GRIN3A: variants seen among roughly 807,000 people sequenced by gnomAD.
The protein encoded by GRIN3A is glutamate receptor ionotropic, NMDA 3A.
In GRIN3A, 47 loss-of-function variants were observed where a neutral mutation model predicts 92.4. That is an observed-to-expected ratio of 0.51 (90% CI 0.40 to 0.65). GRIN3A has a LOEUF of 0.65. Ranked by LOEUF, GRIN3A falls within the 30% of genes least tolerant of loss-of-function variation. The probability of loss-of-function intolerance (pLI) is 0.00; values close to 1 mark genes in which losing one functional copy is unlikely to be tolerated. For missense variants in GRIN3A, 1,324 were observed against 1,393.1 expected (o/e 0.95, Z 0.79); for synonymous variants, 527 against 540.6 (o/e 0.97, Z 0.35).
At position 101,738,345 on chromosome 9, in the gene GRIN3A, C is replaced by T. The variant is rs62577464; in HGVS notation, c.-366G>A. The T allele has an allele frequency of 0.11, 32,303 of 301,990 alleles. 3,429 individuals carry two copies. The highest frequency in any genetic ancestry group is 0.32 in the African/African-American group (13,839 of 43,908). The allele number at this position is 301,990 out of a possible 1,614,324, so 18.7% of individuals were successfully genotyped here. A position where few individuals can be genotyped will look rare whatever the true frequency, so the allele number is the denominator to read the frequency against. Reference sequence around the variant, plus strand: ...CCCGCGAGGCGGCCGGGATGAGAAGCAGCCGGAGTTCCTCGGGGGCAGCAG... The same window carrying T: ...CCCGCGAGGCGGCCGGGATGAGAAGTAGCCGGAGTTCCTCGGGGGCAGCAG... On this transcript the variant is annotated 5_prime_UTR_variant, in exon 1 of 9. Transcript: ENST00000361820.
rs1332998581 is a variant in GRIN3A, at chr9:101,737,935, C to T, written c.45G>A (p.Leu15=). The T allele has an allele frequency of 6.5e-7, 1 of 1,537,886 alleles. No individual in the cohort carries two copies. Among genetic ancestry groups the T allele is most frequent in the Admixed American group, 1.9e-5 (1 of 51,682 alleles). ...SLWWLLSRVC[L]LLPPPCALVL... is the part of the protein sequence containing the mutation. ...CCAGTGCGCAGGGCGGCGGCAACAG[C>T]AGACAGACCCTGCTCAGCAGCCACC... is the stretch of plus-strand genomic sequence containing the variant. Residue 15 remains leucine (L), a synonymous_variant, in exon 1 of 9, where the codon CTG becomes CTA. Coordinates refer to ENST00000361820, the MANE Select transcript of GRIN3A (RefSeq NM_133445.3).
rs556109297 is a variant in GRIN3A, at chr9:101,674,693, A to G, written c.1305-3586T>C. Among the ~76,000 whole-genome samples, 47 of 152,218 alleles carry G rather than the reference A, an allele frequency of 3.1e-4. No individual in the cohort carries two copies. The South Asian group carries it at 6.2e-3, about 20-fold the overall frequency. ...AGAGCCTGGATCAAAGGGAACAGTA[A>G]TACTACCATTCTCTGTGCTGATCAG... is the stretch of plus-strand genomic sequence containing the variant. On this transcript the variant is annotated intron_variant, in intron 2 of 8. Coordinates refer to ENST00000361820, the MANE Select transcript of GRIN3A (RefSeq NM_133445.3).
chr9:101,643,943 G>A (rs1828899660), intron 3 of GRIN3A, among the ~76,000 whole-genome samples: 1 of 151,430 alleles, frequency 6.6e-6, no homozygotes, highest in South Asian at 2.1e-4. Flanking sequence ...ATAAGTTCTG[G>A]GAATTTAATG....
intron 3 of GRIN3A, among the ~76,000 whole-genome samples, chr9:101,643,346 T>A (rs898103506): frequency 6.6e-6 from 1 of 152,084 alleles, no homozygotes; most frequent in Non-Finnish European, 1.5e-5. Flanking sequence ...AAAACCACAA[T>A]GAGTTATCAC....
In GRIN3A at chr9:101,628,388, G is replaced by T. The variant is rs974456917; in HGVS notation, c.2366C>A (p.Ser789Tyr). 3.6e-5 allele frequency: 58 copies of T among 1,613,656 alleles called. No individual in the cohort carries two copies. The highest frequency in any genetic ancestry group is 4.8e-5 in the Non-Finnish European group (57 of 1,179,776). ...GIHDPKLHHPSQGFRFGTVRE... is the reference protein window; with the variant it reads ...GIHDPKLHHPYQGFRFGTVRE... ...GACAGTTCCAAAGCGGAATCCTTGG[G>T]AAGGATGATGTAACTATGAGGGAGA... The change falls in exon 4 of 9, where the codon TCC becomes TAC. Residue 789 changes from serine to tyrosine, a missense_variant. Transcript: ENST00000361820.
At chr9:101,694,943 C>CT (rs577717043) in intron 1 of GRIN3A, among the ~76,000 whole-genome samples, 299 of 152,258 alleles carry the variant, frequency 2.0e-3, no homozygotes, top group African/African-American at 6.5e-3. Flanking sequence ...TCAGGAGCGT[C>CT]TAGAAAGAGG....
At chr9:101,600,282 T>C (rs1281434122) in intron 6 of GRIN3A, among the ~76,000 whole-genome samples, 1 of 152,194 alleles carries the variant, frequency 6.6e-6, no homozygotes, top group Non-Finnish European at 1.5e-5. Context: ...AAGTAGACTG[T>C]ATGCATACAT....
Position 101,670,776 on chromosome 9 carries a change from G to A in GRIN3A, c.1636C>T (p.Pro546Ser), listed in dbSNP as rs780421335. 6.2e-7 allele frequency: 1 copy of A among 1,613,856 alleles called. No homozygotes were observed. The highest frequency in any genetic ancestry group is 1.3e-5 in the African/African-American group (1 of 74,904). ...LCPAGQLCLD[P>S]MTNDSSTLDS... ...AATGTGGAAGAGTCATTAGTCATGG[G>A]GTCTAGACAGAGTTGGCCAGCAGGG... The change falls in exon 3 of 9, where the codon CCC (proline) becomes TCC (serine). Residue 546 changes from proline to serine, a missense_variant. Physicochemically the swap from Pro to Ser is moderately conservative, Grantham distance 74. Coordinates refer to ENST00000361820, the MANE Select transcript of GRIN3A (RefSeq NM_133445.3).
intron 6 of GRIN3A, among the ~76,000 whole-genome samples, chr9:101,580,098 C>A (rs1218169671): frequency 6.6e-6 from 1 of 152,210 alleles, no homozygotes; most frequent in Non-Finnish European, 1.5e-5. Context: ...GTGCATGTAT[C>A]TCTTTTCATA....
intron 3 of GRIN3A, among the ~76,000 whole-genome samples, chr9:101,652,761 CT>C (rs139269497): frequency 6.6e-6 from 1 of 152,146 alleles, no homozygotes; most frequent in East Asian, 1.9e-4. Flanking sequence ...ATGAGGCTTG[CT>C]TTTCTATCAG....
Position 101,670,845 on chromosome 9 carries a change from G to A in GRIN3A, c.1567C>T (p.His523Tyr). The A allele has an allele frequency of 6.2e-7, 1 of 1,613,928 alleles. No individual in the cohort carries two copies. The highest frequency in any genetic ancestry group is 8.5e-7 in the Non-Finnish European group (1 of 1,179,896). Residue 523 changes from histidine (H) to tyrosine (Y), a missense_variant, in exon 3 of 9, where the codon CAT (histidine) becomes TAT (tyrosine). Physicochemically the swap from His to Tyr is moderately conservative, Grantham distance 83. Coordinates refer to ENST00000361820, the MANE Select transcript of GRIN3A (RefSeq NM_133445.3). ...ACCTCCCTTGTGAAGACAAAAGGAT[G>A]CTCAATCAGGGTAACCACTCTCAAG... Reference protein sequence around the residue: ...LHLRVVTLIEHPFVFTREVDD... With the variant: ...LHLRVVTLIEYPFVFTREVDD...
chr9:101,716,560 C>T (rs1772014110), intron 1 of GRIN3A, among the ~76,000 whole-genome samples: 1 of 152,060 alleles, frequency 6.6e-6, no homozygotes, highest in Non-Finnish European at 1.5e-5. Context: ...TTTCTTGTCT[C>T]TTGCTTTCAC....
intron 1 of GRIN3A, among the ~76,000 whole-genome samples, chr9:101,723,914 G>C (rs1830047306): frequency 6.6e-6 from 1 of 152,158 alleles, no homozygotes; most frequent in Non-Finnish European, 1.5e-5. Context: ...CACCAGAGTA[G>C]CTAGATACAG....
chr9:101,693,864 A>G (rs959741585), intron 1 of GRIN3A, among the ~76,000 whole-genome samples: 2 of 152,222 alleles, frequency 1.3e-5, no homozygotes, highest in Non-Finnish European at 2.9e-5. Flanking sequence ...CAAGTTTGGA[A>G]AAGCTCACCT....
chr9:101,651,100 T>G (rs192830410), intron 3 of GRIN3A, among the ~76,000 whole-genome samples: 50 of 152,116 alleles, frequency 3.3e-4, no homozygotes, highest in Non-Finnish European at 8.8e-5. Flanking sequence ...TATTTGGAAT[T>G]ATATTAATTG....
intron 3 of GRIN3A, among the ~76,000 whole-genome samples, chr9:101,647,926 A>T (rs1828960847): frequency 6.6e-6 from 1 of 151,876 alleles, no homozygotes; most frequent in Non-Finnish European, 1.5e-5. Context: ...CCTTTTCAAA[A>T]ATCCAACTAC....
chr9:101,573,061 A>G lies in GRIN3A; in HGVS notation c.*113T>C, dbSNP rs1827780906. On this transcript the variant is annotated 3_prime_UTR_variant, in exon 9 of 9. Transcript: ENST00000361820. Reference sequence around the variant, plus strand: ...GAGAGCAGACTTGACCTTTAAGAAGACCTAGACCTCAGCTTCCCCACACCT... The same window carrying G: ...GAGAGCAGACTTGACCTTTAAGAAGGCCTAGACCTCAGCTTCCCCACACCT... 2.2e-6 allele frequency: 2 copies of G among 919,976 alleles called. No individual in the cohort carries two copies. The highest frequency in any genetic ancestry group is 1.8e-5 in the Admixed American group (1 of 55,326). The allele number at this position is 919,976 out of a possible 1,614,324, so 57.0% of individuals were successfully genotyped here.
At chr9:101,600,803 G>A (rs944190697) in intron 6 of GRIN3A, 1 of 152,192 alleles carries the variant, frequency 6.6e-6, no homozygotes, top group Non-Finnish European at 1.5e-5. Flanking sequence ...TGATAAGATG[G>A]TTTGACCATT....
chr9:101,729,360 G>T (rs1252075635), intron 1 of GRIN3A, among the ~76,000 whole-genome samples: 1 of 152,118 alleles, frequency 6.6e-6, no homozygotes, highest in Non-Finnish European at 1.5e-5. Context: ...TAAAGTCAAG[G>T]GTGGCATTCT....
Sources: gnomAD v4.1 joint callset for allele counts (sites outside exome capture counted in the v4.1 genomes callset) on GRCh38, gnomAD v4.1.1 for gene constraint, MANE v1.5 for transcripts, NCBI Gene and HGNC (gene_info 2026-07-23, HGNC 2026-07-21) for gene names.